AGBL1: variants seen among roughly 807,000 people sequenced by gnomAD.
AGBL1 encodes the protein cytosolic carboxypeptidase 4.
Under a neutral mutation model 118.9 loss-of-function variants are expected in AGBL1, and 130 were observed. The observed-to-expected ratio is 1.09, with a 90% CI of 0.95 to 1.26. The LOEUF is 1.26. Among genes scored for constraint, AGBL1 ranks in the 50% most tolerant of loss-of-function variants. AGBL1 has a pLI of 0.00. For missense variants in AGBL1, 1,584 were observed against 1,298.1 expected, an observed-to-expected ratio of 1.22 and a Z score of -3.38; for synonymous variants, 555 against 478.9, an observed-to-expected ratio of 1.16 and a Z score of -2.08.
intron 18 of AGBL1, among the ~76,000 whole-genome samples, chr15:86,410,628 T>C (rs1436769270): frequency 6.6e-6 from 1 of 150,912 alleles, no homozygotes; most frequent in Non-Finnish European, 1.5e-5. Context: ...TTTTATTGTG[T>C]TCTGATGCCT....
chr15:86,116,136 A>G (rs1216615203), intron 1 of AGBL1, among the ~76,000 whole-genome samples: 1 of 152,220 alleles, frequency 6.6e-6, no homozygotes, highest in Non-Finnish European at 1.5e-5. Context: ...TTGTTCTCTC[A>G]TTTAATTTAA....
At chr15:86,081,521 C>T (rs928480278) in intron 1 of AGBL1, among the ~76,000 whole-genome samples, 2 of 152,328 alleles carry the variant, frequency 1.3e-5, no homozygotes, top group South Asian at 4.1e-4. Flanking sequence ...CGTCCTTTGA[C>T]TCATTCTATC....
At chr15:87,018,216 C>T (rs1197464539) in intron 24 of AGBL1, among the ~76,000 whole-genome samples, 1 of 152,142 alleles carries the variant, frequency 6.6e-6, no homozygotes, top group East Asian at 1.9e-4. Context: ...TTCAGAACTT[C>T]TTCAACCTAG....
intron 17 of AGBL1, among the ~76,000 whole-genome samples, chr15:86,357,840 G>T (rs1301526508): frequency 6.6e-6 from 1 of 152,000 alleles, no homozygotes; most frequent in Non-Finnish European, 1.5e-5. Context: ...TTCATGCACA[G>T]GCCTTAAACT....
chr15:86,215,428 A>G (rs987199053), intron 5 of AGBL1, among the ~76,000 whole-genome samples: 1 of 152,070 alleles, frequency 6.6e-6, no homozygotes, highest in Admixed American at 6.6e-5. Context: ...TTCCGCTGCA[A>G]CAACCCCTTG....
chr15:86,088,019 T>A (rs2141454076), intron 1 of AGBL1: 1 of 152,440 alleles, frequency 6.6e-6, no homozygotes, highest in East Asian at 1.9e-4. Flanking sequence ...AGATGGCAAG[T>A]TTTCAGGCTT....
chr15:86,618,485 G>C (rs1045813408), intron 21 of AGBL1, among the ~76,000 whole-genome samples: 2 of 152,150 alleles, frequency 1.3e-5, no homozygotes, highest in African/African-American at 4.8e-5. Flanking sequence ...TAAAAATATA[G>C]ATCTCTGGGC....
intron 1 of AGBL1, among the ~76,000 whole-genome samples, chr15:86,132,713 A>G (rs1303122414): frequency 1.3e-5 from 2 of 152,220 alleles, no homozygotes; most frequent in East Asian, 3.8e-4. Context: ...AGACTTTGCA[A>G]TTTATAGAGA....
chr15:86,871,547 C>G (rs556882124), intron 22 of AGBL1, among the ~76,000 whole-genome samples: 1 of 152,198 alleles, frequency 6.6e-6, no homozygotes, highest in African/African-American at 2.4e-5. Flanking sequence ...CTCTCTCCTC[C>G]TTCTACCGAC....
intron 22 of AGBL1, among the ~76,000 whole-genome samples, chr15:86,772,546 C>A (rs938604695): frequency 6.6e-6 from 1 of 151,962 alleles, no homozygotes; most frequent in South Asian, 2.1e-4. Flanking sequence ...GGTGGTAATT[C>A]ATAAGCACAC....
At chr15:86,980,555 G>A (rs74737507) in intron 23 of AGBL1, among the ~76,000 whole-genome samples, 2,600 of 152,124 alleles carry the variant, frequency 0.017, 39 homozygotes, top group Non-Finnish European at 0.027. Flanking sequence ...TAAGAAAATC[G>A]TAAACTTCTC....
intron 21 of AGBL1, among the ~76,000 whole-genome samples, chr15:86,629,487 C>T (rs1282336705): frequency 6.6e-6 from 1 of 152,084 alleles, no homozygotes; most frequent in Non-Finnish European, 1.5e-5. Context: ...CTTGCTTATA[C>T]AAAGTTAACT....
At chr15:86,463,761 A>T (rs1188784139) in intron 18 of AGBL1, among the ~76,000 whole-genome samples, 3 of 151,860 alleles carry the variant, frequency 2.0e-5, no homozygotes, top group East Asian at 3.9e-4. Flanking sequence ...GAAGTGCGGC[A>T]TTTTTTCCAA....
chr15:86,224,061 T>C (rs1216501787), intron 5 of AGBL1, among the ~76,000 whole-genome samples: 2 of 152,050 alleles, frequency 1.3e-5, no homozygotes, highest in Admixed American at 6.6e-5. Context: ...GTTCCTCCAA[T>C]CCTGAGAGAG....
chr15:86,435,012 G>A lies in AGBL1; in HGVS notation c.2555+37466G>A, dbSNP rs62012331. 1.0e-3 allele frequency among the ~76,000 whole-genome samples: 153 copies of A among 152,234 alleles called. 1 individual carries two copies. Among genetic ancestry groups the A allele is most frequent in the Non-Finnish European group, 1.9e-3 (128 of 68,022 alleles). On this transcript the variant is annotated intron_variant, in intron 18 of 22. Coordinates refer to ENST00000614907, the MANE Select transcript of AGBL1 (RefSeq NM_001386094.1). ...GTAAGTTTTTCTATTGAATATATAC[G>A]CTGAAAGATCCTTGAGCTATTGTAA... is the stretch of plus-strand genomic sequence containing the variant.
intron 18 of AGBL1, among the ~76,000 whole-genome samples, chr15:86,493,292 T>C (rs1804393645): frequency 6.6e-6 from 1 of 152,028 alleles, no homozygotes; most frequent in Admixed American, 6.6e-5. Flanking sequence ...GAGATGGATA[T>C]AAATGCCACT....
intron 1 of AGBL1, among the ~76,000 whole-genome samples, chr15:86,114,238 C>A (rs1266684875): frequency 6.6e-6 from 1 of 152,220 alleles, no homozygotes; most frequent in Non-Finnish European, 1.5e-5. Context: ...TATTTAAAAT[C>A]TGCAACTGGC....
chr15:86,829,098 A>G (rs753402663), intron 22 of AGBL1, among the ~76,000 whole-genome samples: 1 of 151,962 alleles, frequency 6.6e-6, no homozygotes, highest in Non-Finnish European at 1.5e-5. Flanking sequence ...GTTGCCAGAG[A>G]GTAGAAGATA....
intron 22 of AGBL1, among the ~76,000 whole-genome samples, chr15:86,868,548 C>A (rs189191120): frequency 6.6e-6 from 1 of 152,158 alleles, no homozygotes; most frequent in African/African-American, 2.4e-5. Context: ...TAAGTACTTT[C>A]GAATCTAGTG....
Sources: allele counts gnomAD v4.1 joint callset (sites outside exome capture counted in the v4.1 genomes callset), GRCh38; gene constraint gnomAD v4.1.1; transcripts MANE v1.5; gene names NCBI Gene and HGNC (gene_info 2026-07-23, HGNC 2026-07-21).